Variants in DNAJC24 observed in about 807,000 individuals in gnomAD.
DNAJC24 encodes the protein DnaJ heat shock protein family (Hsp40) member C24.
DNAJC24 carries 17 observed loss-of-function variants against 18.0 expected under a neutral mutation model. The observed-to-expected ratio is 0.94, with a 90% confidence interval of 0.65 to 1.42. The LOEUF (loss-of-function observed/expected upper bound fraction) is 1.42, where lower values mean the gene tolerates loss of function less well. DNAJC24 is among the 40% of genes most tolerant of loss of function. The probability of loss-of-function intolerance (pLI) is 0.00; values close to 1 mark genes in which losing one functional copy is unlikely to be tolerated. For missense variants in DNAJC24, 158 were observed against 175.6 expected, an observed-to-expected ratio of 0.90 and a Z score of 0.57; for synonymous variants, 55 against 57.7, an observed-to-expected ratio of 0.95 and a Z score of 0.21.
At chr11:31,412,634 G>A (rs1211919347) in intron 2 of DNAJC24, among the ~76,000 whole-genome samples, 1 of 152,080 alleles carries the variant, frequency 6.6e-6, no homozygotes, top group Non-Finnish European at 1.5e-5. Context: ...ATAAATCATG[G>A]GCAAAGAAGA....
intron 2 of DNAJC24, among the ~76,000 whole-genome samples, chr11:31,407,705 A>T (rs56902146): frequency 8.2e-6 from 1 of 121,520 alleles, no homozygotes; most frequent in East Asian, 2.2e-4. Context: ...AAAAAAAAAA[A>T]AATATATATA....
chr11:31,397,155 A>G (rs191126807), intron 2 of DNAJC24, among the ~76,000 whole-genome samples: 3 of 152,278 alleles, frequency 2.0e-5, no homozygotes, highest in African/African-American at 7.2e-5. Context: ...CCTACTCTTT[A>G]CCACTAGACT....
chr11:31,383,557 A>C (rs536147240), intron 2 of DNAJC24, among the ~76,000 whole-genome samples: 1 of 152,186 alleles, frequency 6.6e-6, no homozygotes, highest in East Asian at 1.9e-4. Flanking sequence ...TAATTTTCAC[A>C]TTGTCTTTGG....
intron 2 of DNAJC24, among the ~76,000 whole-genome samples, chr11:31,411,533 A>G (rs893148550): frequency 2.6e-5 from 4 of 152,174 alleles, no homozygotes; most frequent in African/African-American, 9.7e-5. Context: ...TGGAGAATCC[A>G]TTGCTTGTCT....
chr11:31,426,278 G>A lies in DNAJC24; in HGVS notation c.251-9G>A, dbSNP rs1392262391. 2.0e-6 allele frequency: 3 copies of A among 1,505,480 alleles called. No homozygotes were observed. The highest frequency in any genetic ancestry group is 2.7e-6 in the Non-Finnish European group (3 of 1,104,330). 93.3% of individuals were successfully genotyped at this position (1,505,480 alleles called of 1,614,324 possible). A position where few individuals can be genotyped will look rare whatever the true frequency, so the allele number is the denominator to read the frequency against. ...TTTACAATTAAGTGTCATGTTTTAT[G>A]TTTTACAGAAGATGATCTAAGAAAT... On this transcript the variant is annotated splice_polypyrimidine_tract_variant and intron_variant, in intron 3 of 4. Coordinates refer to ENST00000465995, the MANE Select transcript of DNAJC24 (RefSeq NM_181706.5).
chr11:31,425,074 T>C (rs929997378), intron 3 of DNAJC24, among the ~76,000 whole-genome samples: 1 of 152,126 alleles, frequency 6.6e-6, no homozygotes, highest in Non-Finnish European at 1.5e-5. Flanking sequence ...CCATCTTTGA[T>C]TGCCATCTTT....
chr11:31,417,531 G>A (rs1952761783), intron 3 of DNAJC24, among the ~76,000 whole-genome samples: 1 of 152,108 alleles, frequency 6.6e-6, no homozygotes, highest in East Asian at 1.9e-4. Context: ...TTATAACCAG[G>A]TCAAAGCACT....
intron 2 of DNAJC24, among the ~76,000 whole-genome samples, chr11:31,411,957 C>T (rs372176794): frequency 2.0e-5 from 3 of 152,144 alleles, no homozygotes; most frequent in East Asian, 3.9e-4. Flanking sequence ...AAATGATATA[C>T]TTATTTTCTT....
At chr11:31,403,058 A>G (rs1291176063) in intron 2 of DNAJC24, among the ~76,000 whole-genome samples, 2 of 151,996 alleles carry the variant, frequency 1.3e-5, no homozygotes, top group African/African-American at 4.8e-5. Context: ...AAAGGACCTG[A>G]GTAAGGTAAT....
chr11:31,393,523 G>T (rs913253813), intron 2 of DNAJC24, among the ~76,000 whole-genome samples: 1 of 152,102 alleles, frequency 6.6e-6, no homozygotes, highest in Non-Finnish European at 1.5e-5. Flanking sequence ...TAGGATTGGG[G>T]CCATTAGAAA....
intron 2 of DNAJC24, among the ~76,000 whole-genome samples, chr11:31,382,189 G>A (rs184793676): frequency 2.0e-3 from 308 of 152,172 alleles, no homozygotes; most frequent in Non-Finnish European, 3.4e-3. Flanking sequence ...TGGTTTTATA[G>A]GGAGGCTGTA....
intron 3 of DNAJC24, chr11:31,417,357 TATTA>T (rs1952759542): frequency 6.6e-6 from 1 of 152,134 alleles, no homozygotes; most frequent in South Asian, 2.1e-4. Flanking sequence ...TGAATACCGT[TATTA>T]ATTTTTTCTT....
chr11:31,399,357 C>T (rs753637233), intron 2 of DNAJC24, among the ~76,000 whole-genome samples: 3 of 151,618 alleles, frequency 2.0e-5, no homozygotes. Context: ...GTATCTTAAC[C>T]TTTTACATTT....
At chr11:31,405,763 C>T (rs74873894) in intron 2 of DNAJC24, among the ~76,000 whole-genome samples, 1 of 152,154 alleles carries the variant, frequency 6.6e-6, no homozygotes, top group African/African-American at 2.4e-5. Flanking sequence ...CCAGAGTGGT[C>T]ATTTATAATG....
Position 31,432,513 on chromosome 11 carries a change from A to G in DNAJC24, c.*2112A>G. The G allele has an allele frequency of 6.2e-7, 1 of 1,611,832 alleles. No homozygotes were observed. The highest frequency in any genetic ancestry group is 2.2e-5 in the East Asian group (1 of 44,802). ...AATAAATGCTTACTAATCATCAGAA[A>G]ATCTGTGGCCATTAGGGCTGGCACG... is the stretch of plus-strand genomic sequence containing the variant. On this transcript the variant is annotated 3_prime_UTR_variant, in exon 5 of 5. Transcript: ENST00000465995.
At chr11:31,409,191 T>C (rs1232723360) in intron 2 of DNAJC24, among the ~76,000 whole-genome samples, 1 of 152,198 alleles carries the variant, frequency 6.6e-6, no homozygotes, top group African/African-American at 2.4e-5. Context: ...TATTTTTCCT[T>C]TATGGCTTAG....
intron 2 of DNAJC24, among the ~76,000 whole-genome samples, chr11:31,379,919 A>G (rs1952360108): frequency 6.6e-6 from 1 of 151,778 alleles, no homozygotes; most frequent in Non-Finnish European, 1.5e-5. Context: ...TACCACACTC[A>G]GCTAATTTTT....
intron 3 of DNAJC24, 85 bp downstream of exon 3, chr11:31,415,034 C>A: frequency 6.9e-7 from 1 of 1,440,002 alleles, no homozygotes; most frequent in Non-Finnish European, 9.3e-7. Context: ...CATTTTCCAG[C>A]ATTTGCACCA....
intron 2 of DNAJC24, among the ~76,000 whole-genome samples, chr11:31,391,900 C>T (rs1268254499): frequency 6.6e-5 from 10 of 152,100 alleles, no homozygotes; most frequent in Non-Finnish European, 1.3e-4. Flanking sequence ...ATATACACAA[C>T]GGAGTCCTAT....
Sources: allele counts gnomAD v4.1 joint callset (sites outside exome capture counted in the v4.1 genomes callset), GRCh38; gene constraint gnomAD v4.1.1; transcripts MANE v1.5; gene names NCBI Gene and HGNC (gene_info 2026-07-23, HGNC 2026-07-21).